The following SCHIP1 variants were observed in gnomAD, a reference collection of about 807,000 sequenced individuals.
SCHIP1 encodes the protein schwannomin-interacting protein 1.
A neutral mutation model predicts 29.7 loss-of-function variants in SCHIP1; 8 were observed. The ratio of observed to expected loss-of-function variants is 0.27; its 90% CI spans 0.16 to 0.49. The LOEUF is 0.49. SCHIP1 is among the 20% of genes least tolerant of loss of function. The pLI is 0.99. For missense variants in SCHIP1, 193 were observed against 294.6 expected, an observed-to-expected ratio of 0.66 and a Z score of 2.52; for synonymous variants, 76 against 94.9, an observed-to-expected ratio of 0.80 and a Z score of 1.16.
At chr3:159,647,807 C>T in the SCHIP1 span, among the ~76,000 whole-genome samples, 1 of 152,132 alleles carries the variant, frequency 6.6e-6, no homozygotes, top group Non-Finnish European at 1.5e-5. Flanking sequence ...ATACGTATTT[C>T]TTCCCATTTG....
the SCHIP1 span, among the ~76,000 whole-genome samples, chr3:159,553,172 G>C: frequency 6.6e-6 from 1 of 151,250 alleles, no homozygotes; most frequent in Admixed American, 6.6e-5. Flanking sequence ...ATTTGGATAT[G>C]TATTTAGCCA....
chr3:159,856,696 A>C (rs902193097), intron 1 of SCHIP1, among the ~76,000 whole-genome samples: 3 of 152,210 alleles, frequency 2.0e-5, no homozygotes, highest in African/African-American at 7.2e-5. Flanking sequence ...TTTGTTCCTC[A>C]GGGGTGCCGT....
the SCHIP1 span, among the ~76,000 whole-genome samples, chr3:159,770,537 G>A: frequency 0.14 from 20,771 of 152,200 alleles, 1,643 homozygotes; most frequent in Middle Eastern, 0.29. Context: ...GGGATTACAG[G>A]TGTGAGCCAC....
chr3:159,428,032 T>A, the SCHIP1 span, among the ~76,000 whole-genome samples: 6 of 151,814 alleles, frequency 4.0e-5, no homozygotes, highest in African/African-American at 9.7e-5. Flanking sequence ...TACATCTTAT[T>A]CAAAAATTAA....
At chr3:159,551,599 G>A in the SCHIP1 span, among the ~76,000 whole-genome samples, 1 of 151,906 alleles carries the variant, frequency 6.6e-6, no homozygotes, top group East Asian at 1.9e-4. Context: ...TCATTTTAAG[G>A]CCTATGGGTT....
At chr3:159,715,328 C>T in the SCHIP1 span, among the ~76,000 whole-genome samples, 13 of 152,288 alleles carry the variant, frequency 8.5e-5, no homozygotes, top group South Asian at 2.1e-4. Context: ...TTCTAAAAAT[C>T]GGAGCGCCTC....
At chr3:159,886,759 CGA>C in intron 3 of SCHIP1, 1 of 164,182 alleles carries the variant, frequency 6.1e-6, no homozygotes, top group Non-Finnish European at 1.3e-5. Context: ...CTGTCTCTAA[CGA>C]GAGAGAGTGT....
the SCHIP1 span, among the ~76,000 whole-genome samples, chr3:159,321,174 C>T: frequency 6.6e-5 from 10 of 152,196 alleles, no homozygotes; most frequent in African/African-American, 2.4e-4. Context: ...CACGTCGGCC[C>T]GGCTGGTCTC....
chr3:159,446,430 C>A, the SCHIP1 span, among the ~76,000 whole-genome samples: 2 of 151,716 alleles, frequency 1.3e-5, no homozygotes, highest in African/African-American at 4.8e-5. Context: ...TGCAATACAG[C>A]AATACAATAT....
chr3:159,718,672 C>A, the SCHIP1 span, among the ~76,000 whole-genome samples: 6 of 152,144 alleles, frequency 3.9e-5, no homozygotes, highest in Non-Finnish European at 2.9e-5. Flanking sequence ...ATCCAACTTA[C>A]AAGAGATGTG....
chr3:159,880,915 TTTTG>T (rs1716371050), intron 2 of SCHIP1, among the ~76,000 whole-genome samples: 1 of 152,230 alleles, frequency 6.6e-6, no homozygotes, highest in African/African-American at 2.4e-5. Flanking sequence ...AAACTTTTCC[TTTTG>T]TTTCTTTTTT....
chr3:159,893,908 A>C (rs1717798024), intron 6 of SCHIP1: 1 of 152,122 alleles, frequency 6.6e-6, no homozygotes, highest in African/African-American at 2.4e-5. Context: ...GAGGGACCTG[A>C]GGATACTTAA....
the SCHIP1 span, among the ~76,000 whole-genome samples, chr3:159,735,761 A>G: frequency 2.0e-5 from 3 of 152,174 alleles, no homozygotes; most frequent in African/African-American, 4.8e-5. Context: ...CAGCCTATAC[A>G]TAAGCTGGGA....
the SCHIP1 span, among the ~76,000 whole-genome samples, chr3:159,355,985 G>T: frequency 1.3e-5 from 2 of 150,992 alleles, no homozygotes; most frequent in African/African-American, 4.9e-5. Flanking sequence ...AGTCATTTGG[G>T]TATATACCCA....
the SCHIP1 span, among the ~76,000 whole-genome samples, chr3:159,368,172 T>C: frequency 2.0e-5 from 3 of 152,322 alleles, no homozygotes; most frequent in Admixed American, 2.0e-4. Context: ...GTACCTCCTG[T>C]TGTTTGCCAT....
chr3:159,404,934 G>A, the SCHIP1 span, among the ~76,000 whole-genome samples: 4 of 152,194 alleles, frequency 2.6e-5, no homozygotes, highest in Admixed American at 2.6e-4. Context: ...AGGAAATTCA[G>A]CACAGAGGGA....
At chr3:159,784,526 T>C in the SCHIP1 span, among the ~76,000 whole-genome samples, 1 of 152,198 alleles carries the variant, frequency 6.6e-6, no homozygotes, top group African/African-American at 2.4e-5. Flanking sequence ...ACAAGAAACA[T>C]GAAATATTTT....
At chr3:159,473,674 G>GAAAAAAAAAAAAAAAAAAAGA in the SCHIP1 span, among the ~76,000 whole-genome samples, 1 of 81,446 alleles carries the variant, frequency 1.2e-5, no homozygotes, top group Non-Finnish European at 2.4e-5. Context: ...ATGTAACTAC[G>GAAAAAAAAAAAAAAAAAAAGA]AAAAAAAAAA....
At chr3:159,572,366 A>T in the SCHIP1 span, among the ~76,000 whole-genome samples, 1 of 152,048 alleles carries the variant, frequency 6.6e-6, no homozygotes, top group South Asian at 2.1e-4. Flanking sequence ...TTCTGCCTTC[A>T]TTTCATTATT....
Sources: allele counts gnomAD v4.1 joint callset (sites outside exome capture counted in the v4.1 genomes callset), GRCh38; gene constraint gnomAD v4.1.1; transcripts MANE v1.5; gene names NCBI Gene and HGNC (gene_info 2026-07-23, HGNC 2026-07-21).